The following POSTN variants were observed in gnomAD, a reference collection of about 807,000 sequenced individuals.
POSTN encodes osteoblast specific factor 2 (fasciclin I-like).
A neutral mutation model predicts 104.5 loss-of-function variants in POSTN; 71 were observed. That is an observed-to-expected ratio of 0.68 (90% CI 0.56 to 0.83). The LOEUF (loss-of-function observed/expected upper bound fraction) is 0.83, where lower values mean the gene tolerates loss of function less well. POSTN is among the 40% of genes least tolerant of loss of function. The pLI, the probability that POSTN is intolerant of heterozygous loss-of-function variation, is 0.00. For missense variants in POSTN, 949 were observed against 1,006.8 expected, an observed-to-expected ratio of 0.94 and a Z score of 0.78; for synonymous variants, 355 against 340.7, an observed-to-expected ratio of 1.04 and a Z score of -0.46.
rs1297285248 is a variant in POSTN, at chr13:37,564,546, T to A, written c.2446A>T (p.Lys816Ter). The A allele has an allele frequency of 6.2e-7, 1 of 1,600,848 alleles. No homozygotes were observed. The highest frequency in any genetic ancestry group is 1.1e-5 in the South Asian group (1 of 89,854). ...TGAACTTTTTTGTTGGCTTGCAACT[T>A]CCTCACGGGTGTGTCTAAAATTAAA... ...RLLQGDTPVR[K>*]LQANKKVQGS... Residue 816 changes from lysine to a stop codon, truncating the protein, a stop_gained, in exon 22 of 23, where the codon AAG becomes TAG. Transcript: ENST00000379747. LOFTEE classifies it high-confidence loss of function.
chr13:37,582,757 T>A (rs938809930), intron 9 of POSTN, among the ~76,000 whole-genome samples: 3 of 152,184 alleles, frequency 2.0e-5, no homozygotes, highest in African/African-American at 7.2e-5. Flanking sequence ...AATCAATGAG[T>A]TTCACCTCTG....
In POSTN at chr13:37,580,547, A is replaced by C. The variant is rs764945268; in HGVS notation, c.1529+14T>G. On this transcript the variant is annotated intron_variant, in intron 11 of 22. Coordinates refer to ENST00000379747, the MANE Select transcript of POSTN (RefSeq NM_006475.3). ...AGCTCTCATTCTCTGTGGAGGTGCC[A>C]CTAATAGGCTTACCTAAAGCGCTTA... The C allele has an allele frequency of 6.2e-7, 1 of 1,613,876 alleles. No individual in the cohort carries two copies. Among genetic ancestry groups the C allele is most frequent in the Admixed American group, 1.7e-5 (1 of 60,008 alleles).
At chr13:37,570,518 G>T in intron 19 of POSTN, 62 bp downstream of exon 19, 1 of 1,056,340 alleles carries the variant, frequency 9.5e-7, no homozygotes, top group Non-Finnish European at 1.4e-6. Context: ...TATATTTGGG[G>T]ATTAACTATA....
intron 19 of POSTN, 50 bp downstream of exon 19, chr13:37,570,530 T>C: frequency 4.9e-6 from 6 of 1,222,984 alleles, no homozygotes; most frequent in Non-Finnish European, 7.2e-6. Context: ...TTAACTATAA[T>C]TTGATCTTTA....
At chr13:37,594,668 C>A (rs1188189531) in intron 2 of POSTN, among the ~76,000 whole-genome samples, 25 of 152,034 alleles carry the variant, frequency 1.6e-4, no homozygotes, top group Admixed American at 1.6e-3. Context: ...TATTACTAGA[C>A]CAATATATAT....
In POSTN at chr13:37,579,433, T is replaced by C. The variant is rs914911512; in HGVS notation, c.1661-74A>G. The C allele has an allele frequency of 7.5e-6, 9 of 1,194,986 alleles. No individual in the cohort carries two copies. In the African/African-American group the frequency reaches 1.4e-4, roughly 18 times the overall value. 74.0% of individuals were successfully genotyped at this position (1,194,986 alleles called of 1,614,324 possible). On this transcript the variant is annotated intron_variant, in intron 12 of 22. Coordinates refer to ENST00000379747, the MANE Select transcript of POSTN (RefSeq NM_006475.3). The stretch of plus-strand genomic sequence containing the variant: ...TAAGGACTAAGAAACAAAACACTTA[T>C]TAGTCTTTATCTTTTTCCATATTGT...
rs1236530659 is a variant in POSTN at position 37,569,834 on chromosome 13, C to A, written c.2270-13G>T. On this transcript the variant is annotated splice_polypyrimidine_tract_variant and intron_variant, in intron 19 of 22. Transcript: ENST00000379747. ...TTTATTTCAGGACCTATGAGAAGGA[C>A]AATGAAAAAGGTCTAAAACAGAAGT... is the stretch of plus-strand genomic sequence containing the variant. The A allele has an allele frequency of 7.6e-6, 12 of 1,569,334 alleles. No individual in the cohort carries two copies. Among genetic ancestry groups the A allele is most frequent in the Non-Finnish European group, 1.0e-5 (12 of 1,145,036 alleles).
intron 3 of POSTN, among the ~76,000 whole-genome samples, chr13:37,591,354 T>G (rs944762629): frequency 1.3e-5 from 2 of 152,190 alleles, no homozygotes; most frequent in African/African-American, 4.8e-5. Flanking sequence ...TGATGTAACA[T>G]GGTTACCAAT....
rs764470397 is a variant in POSTN, at chr13:37,579,227, ACTT to A, written c.1790_1791+1del. 8.7e-6 allele frequency: 14 copies of A among 1,610,728 alleles called. No homozygotes were observed. The highest frequency in any genetic ancestry group is 1.2e-5 in the Non-Finnish European group (14 of 1,177,186). On this transcript the variant is annotated splice_donor_variant and coding_sequence_variant, in exon 13 of 23. Transcript: ENST00000379747. LOFTEE classifies it high-confidence loss of function. The stretch of plus-strand genomic sequence containing the variant: ...ATCATAAATTCATTCTAGACAACTT[ACTT>A]CTTTCAGAAAGATTTTGCTTCCTTG...
rs1286558137 is a variant in POSTN at position 37,563,024 on chromosome 13, A to G, written c.*309T>C. 1 of 209,746 alleles carries G rather than the reference A, an allele frequency of 4.8e-6. No homozygotes were observed. The highest frequency in any genetic ancestry group is 9.5e-6 in the Non-Finnish European group (1 of 105,514). 13.0% of individuals were successfully genotyped at this position (209,746 alleles called of 1,614,324 possible). A position where few individuals can be genotyped will look rare whatever the true frequency, so the allele number is the denominator to read the frequency against. ...TTCACAACTCTTCGATTTGAATTGTAATGAATCTGGTGACAAGGATTTTTC... is the reference window on the plus strand; with the variant it reads ...TTCACAACTCTTCGATTTGAATTGTGATGAATCTGGTGACAAGGATTTTTC... On this transcript the variant is annotated 3_prime_UTR_variant, in exon 23 of 23. Coordinates refer to ENST00000379747, the MANE Select transcript of POSTN (RefSeq NM_006475.3).
intron 2 of POSTN, among the ~76,000 whole-genome samples, chr13:37,593,057 A>C (rs1950988889): frequency 6.6e-6 from 1 of 151,212 alleles, no homozygotes. Flanking sequence ...ATTTGATAAA[A>C]ATAATCTAAG....
intron 16 of POSTN, among the ~76,000 whole-genome samples, chr13:37,575,849 T>C (rs1950391460): frequency 6.6e-6 from 1 of 152,160 alleles, no homozygotes; most frequent in African/African-American, 2.4e-5. Context: ...AAAACAAATC[T>C]GTGTGTTTAG....
In POSTN at chr13:37,580,506, A is replaced by G. The variant is rs1161205420; in HGVS notation, c.1529+55T>C. 5 of 1,604,294 alleles carry G rather than the reference A, an allele frequency of 3.1e-6. No individual in the cohort carries two copies. In the East Asian group the frequency reaches 6.7e-5, roughly 21 times the overall value. ...TGCCTTTTGGGATACCGCCTATGAAACAAAAATATGCCAATAGCTCTCATT... is the reference window on the plus strand; with the variant it reads ...TGCCTTTTGGGATACCGCCTATGAAGCAAAAATATGCCAATAGCTCTCATT... On this transcript the variant is annotated intron_variant, in intron 11 of 22. Coordinates refer to ENST00000379747, the MANE Select transcript of POSTN (RefSeq NM_006475.3).
Position 37,586,144 on chromosome 13 carries a change from G to C in POSTN, c.890C>G (p.Ser297Cys), listed in dbSNP as rs767671411. 2.5e-6 allele frequency: 4 copies of C among 1,610,010 alleles called. No homozygotes were observed. The South Asian group carries it at 4.4e-5, about 18-fold the overall frequency. The change falls in exon 7 of 23, where the codon TCC (serine) becomes TGC (cysteine). Residue 297 changes from serine (S) to cysteine (C), a missense_variant. Transcript: ENST00000379747. ...LERIMGDKVA[S>C]EALMKYHILN... Reference sequence around the variant, plus strand: ...AGATGAAGACATTAAACTACCTTCGGAAGCCACTTTGTCTCCCATGATCCT... The same window carrying C: ...AGATGAAGACATTAAACTACCTTCGCAAGCCACTTTGTCTCCCATGATCCT...
intron 1 of POSTN, 97 bp downstream of exon 1, chr13:37,598,511 A>T (rs1437780834): frequency 1.8e-6 from 2 of 1,101,160 alleles, no homozygotes; most frequent in Non-Finnish European, 2.6e-6. Flanking sequence ...TAGGAAAAAA[A>T]ACCCTGAGGC....
rs761254775 is a variant in POSTN, at chr13:37,579,334, G to A, written c.1686C>T (p.Ile562=). 1 of 1,591,066 alleles carries A rather than the reference G, an allele frequency of 6.3e-7. No individual in the cohort carries two copies. Among genetic ancestry groups the A allele is most frequent in the South Asian group, 1.1e-5 (1 of 90,486 alleles). ...LIRDKNALQN[I]ILYHLTPGVF... is the part of the protein sequence containing the mutation. ...CTCCTGGTGTCAGGTGATAAAGAAT[G>A]ATGTTTTGAAGAGCATTTTTGTCCC... Residue 562 remains isoleucine (I), a synonymous_variant, in exon 13 of 23, where the codon ATC becomes ATT. Coordinates refer to ENST00000379747, the MANE Select transcript of POSTN (RefSeq NM_006475.3).
intron 20 of POSTN, 26 bp downstream of exon 20, chr13:37,569,718 A>AT: frequency 6.7e-7 from 1 of 1,503,340 alleles, no homozygotes; most frequent in Non-Finnish European, 9.2e-7. Flanking sequence ...GTAAAGTCAC[A>AT]TTCTTATTTT....
intron 12 of POSTN, 110 bp from the exon 13 acceptor site, chr13:37,579,469 A>G: frequency 1.1e-6 from 1 of 908,288 alleles, no homozygotes; most frequent in South Asian, 1.7e-5. Flanking sequence ...ACTTTCTCAT[A>G]ATATCATTAT....
At chr13:37,574,271 T>TA (rs1014517854) in intron 17 of POSTN, among the ~76,000 whole-genome samples, 4 of 151,388 alleles carry the variant, frequency 2.6e-5, no homozygotes, top group South Asian at 2.1e-4. Flanking sequence ...CTGACTAAAG[T>TA]AAAAAAAACT....
Sources: allele counts gnomAD v4.1 joint callset (sites outside exome capture counted in the v4.1 genomes callset), GRCh38; gene constraint gnomAD v4.1.1; transcripts MANE v1.5; gene names NCBI Gene and HGNC (gene_info 2026-07-23, HGNC 2026-07-21).